Variants in WDFY3 observed in about 807,000 individuals in gnomAD.
WDFY3 encodes WD repeat and FYVE domain containing 3.
A neutral mutation model predicts 409.6 loss-of-function variants in WDFY3; 66 were observed. The ratio of observed to expected loss-of-function variants is 0.16; its 90% CI spans 0.13 to 0.20. The LOEUF (loss-of-function observed/expected upper bound fraction) is 0.20. Ranked by LOEUF, WDFY3 falls within the 10% of genes least tolerant of loss-of-function variation. WDFY3 has a pLI of 1.00. For missense variants in WDFY3, 3,031 were observed against 4,298.1 expected, an observed-to-expected ratio of 0.71 and a Z score of 8.24; for synonymous variants, 1,521 against 1,537.1, an observed-to-expected ratio of 0.99 and a Z score of 0.25.
chr4:84,788,149 AATT>A (rs1235686872), intron 22 of WDFY3, among the ~76,000 whole-genome samples: 1 of 152,144 alleles, frequency 6.6e-6, no homozygotes, highest in Non-Finnish European at 1.5e-5. Flanking sequence ...TATAGGGGTA[AATT>A]ATTATAATAA....
chr4:84,813,216 T>C (rs529192409), intron 13 of WDFY3, among the ~76,000 whole-genome samples: 1 of 152,196 alleles, frequency 6.6e-6, no homozygotes, highest in African/African-American at 2.4e-5. Flanking sequence ...AAAATGGAAA[T>C]TGAAACTGAG....
At chr4:84,729,491 ATAAT>A (rs1286938491) in intron 44 of WDFY3, among the ~76,000 whole-genome samples, 1 of 151,910 alleles carries the variant, frequency 6.6e-6, no homozygotes, top group Non-Finnish European at 1.5e-5. Context: ...CTCGATATTA[ATAAT>A]TATTACTATT....
At chr4:84,801,629 T>G in intron 17 of WDFY3, 21 bp downstream of exon 17, 1 of 1,588,322 alleles carries the variant, frequency 6.3e-7, no homozygotes, top group Non-Finnish European at 8.6e-7. Context: ...GTGGACTATT[T>G]GAGTATGAAA....
chr4:84,846,687 A>T (rs1758118564), intron 5 of WDFY3, among the ~76,000 whole-genome samples: 1 of 151,196 alleles, frequency 6.6e-6, no homozygotes, highest in African/African-American at 2.4e-5. Context: ...ATGGATGAAT[A>T]CATCCATTAA....
intron 1 of WDFY3, among the ~76,000 whole-genome samples, chr4:84,964,473 A>C (rs569809542): frequency 6.6e-6 from 1 of 152,378 alleles, no homozygotes; most frequent in East Asian, 1.9e-4. Context: ...TGTCTCTAAA[A>C]AAAGAAATAA....
At chr4:84,714,738 C>G (rs1275035468) in intron 50 of WDFY3, among the ~76,000 whole-genome samples, 1 of 151,992 alleles carries the variant, frequency 6.6e-6, no homozygotes, top group Non-Finnish European at 1.5e-5. Flanking sequence ...ATCACAAGGT[C>G]AAGAGATCGA....
chr4:84,923,855 CAGTTGTGGT>C (rs1166036780), intron 2 of WDFY3, among the ~76,000 whole-genome samples: 7 of 152,050 alleles, frequency 4.6e-5, no homozygotes, highest in African/African-American at 1.7e-4. Flanking sequence ...AAAAATTAGC[CAGTTGTGGT>C]AGTGTGCACC....
chr4:84,705,219 G>T (rs1412901852), intron 54 of WDFY3, among the ~76,000 whole-genome samples, 175 bp downstream of exon 54: 2 of 152,122 alleles, frequency 1.3e-5, no homozygotes, highest in East Asian at 3.9e-4. Flanking sequence ...GCCATAAGTT[G>T]GCATGCAAAC....
rs1224239063 is a variant in WDFY3, at chr4:84,671,491, A to ATT, written c.*1375_*1376dup. On this transcript the variant is annotated 3_prime_UTR_variant, in exon 68 of 68. Coordinates refer to ENST00000295888, the MANE Select transcript of WDFY3 (RefSeq NM_014991.6). ...ATTAATTGTTTCATTTTTAATATAT[A>ATT]TTATATATATATATATATGTACATA... The ATT allele has an allele frequency of 2.0e-5, 3 of 148,764 alleles. No individual in the cohort carries two copies. Among genetic ancestry groups the ATT allele is most frequent in the Non-Finnish European group, 3.0e-5 (2 of 67,274 alleles). The allele number at this position is 148,764 out of a possible 1,614,324, so 9.2% of individuals were successfully genotyped here.
intron 2 of WDFY3, among the ~76,000 whole-genome samples, chr4:84,916,330 A>T (rs1277181953): frequency 6.6e-6 from 1 of 152,156 alleles, no homozygotes; most frequent in African/African-American, 2.4e-5. Context: ...TCTTCTTGCC[A>T]TTCAGCACTC....
chr4:84,815,825 A>G (rs1753216996), intron 13 of WDFY3, among the ~76,000 whole-genome samples: 1 of 152,262 alleles, frequency 6.6e-6, no homozygotes, highest in East Asian at 1.9e-4. Flanking sequence ...ATATTTTAGC[A>G]CTCGAAATTA....
chr4:84,703,124 A>G (rs940286669), intron 55 of WDFY3, among the ~76,000 whole-genome samples: 2 of 152,028 alleles, frequency 1.3e-5, no homozygotes, highest in African/African-American at 4.8e-5. Flanking sequence ...CAAACAAGAA[A>G]TATGAGTTCT....
chr4:84,928,261 C>A (rs74671785), intron 2 of WDFY3, among the ~76,000 whole-genome samples: 10,124 of 152,202 alleles, frequency 0.067, 463 homozygotes, highest in Admixed American at 0.12. Flanking sequence ...CTCCTCCGTG[C>A]TTGACTCTCG....
At chr4:84,745,873 T>C (rs1739348767) in intron 36 of WDFY3, among the ~76,000 whole-genome samples, 1 of 152,152 alleles carries the variant, frequency 6.6e-6, no homozygotes, top group Non-Finnish European at 1.5e-5. Flanking sequence ...ATGTGAGGAC[T>C]TTTAAGTGAT....
intron 56 of WDFY3, among the ~76,000 whole-genome samples, chr4:84,700,853 T>C (rs573645789): frequency 1.3e-5 from 2 of 152,180 alleles, no homozygotes. Context: ...CTGTAACCAC[T>C]GAGACGGGCA....
intron 3 of WDFY3, among the ~76,000 whole-genome samples, chr4:84,878,716 G>A (rs867769573): frequency 3.3e-5 from 5 of 152,066 alleles, no homozygotes; most frequent in Admixed American, 1.3e-4. Flanking sequence ...CTTAAAATCC[G>A]TATCATCATA....
intron 47 of WDFY3, among the ~76,000 whole-genome samples, chr4:84,719,838 C>G (rs1369678217): frequency 2.0e-5 from 3 of 152,150 alleles, no homozygotes; most frequent in Non-Finnish European, 4.4e-5. Context: ...TTCCTTCATA[C>G]CTGGTGTACT....
rs530564352 is a variant in WDFY3 at position 84,740,038 on chromosome 4, T to A, written c.6464+149A>T. The A allele has an allele frequency of 5.4e-5, 43 of 801,694 alleles. No homozygotes were observed. In the East Asian group the frequency reaches 1.2e-3, roughly 22 times the overall value. The allele number at this position is 801,694 out of a possible 1,614,324, so 49.7% of individuals were successfully genotyped here. A position where few individuals can be genotyped will look rare whatever the true frequency, so the allele number is the denominator to read the frequency against. On this transcript the variant is annotated intron_variant, in intron 39 of 67. Coordinates refer to ENST00000295888, the MANE Select transcript of WDFY3 (RefSeq NM_014991.6). ...ATACCCATTATTTCACTGCAAAAAT[T>A]CAACACTTGCCCTTTACCTTTTTAC...
At chr4:84,745,335 A>G (rs1012974254) in intron 36 of WDFY3, among the ~76,000 whole-genome samples, 4 of 152,224 alleles carry the variant, frequency 2.6e-5, no homozygotes, top group Non-Finnish European at 5.9e-5. Flanking sequence ...ATTCAGGCAC[A>G]GTATTGAGGT....
Sources: gnomAD v4.1 joint callset for allele counts (sites outside exome capture counted in the v4.1 genomes callset) on GRCh38, gnomAD v4.1.1 for gene constraint, MANE v1.5 for transcripts, NCBI Gene and HGNC (gene_info 2026-07-23, HGNC 2026-07-21) for gene names.